APOL5: variants seen among roughly 807,000 people sequenced by gnomAD.
APOL5 encodes apolipoprotein L, 5.
Under a neutral mutation model 35.5 loss-of-function variants are expected in APOL5, and 29 were observed. The ratio of observed to expected loss-of-function variants is 0.82; its 90% CI spans 0.61 to 1.11. APOL5 has a LOEUF of 1.11. Ranked by LOEUF, APOL5 falls within the 50% of genes most tolerant of loss-of-function variation. The pLI is 0.00. For missense variants in APOL5, 514 were observed against 530.4 expected, an observed-to-expected ratio of 0.97 and a Z score of 0.30; for synonymous variants, 188 against 200.2, an observed-to-expected ratio of 0.94 and a Z score of 0.51.
intron 1 of APOL5, among the ~76,000 whole-genome samples, chr22:35,718,658 T>C (rs1926850712): frequency 6.7e-6 from 1 of 148,592 alleles, no homozygotes; most frequent in Non-Finnish European, 1.5e-5. Context: ...TCTATAAACA[T>C]GACAATACAT....
At chr22:35,726,078 T>C in intron 2 of APOL5, 133 bp from the exon 3 acceptor site, 2 of 981,606 alleles carry the variant, frequency 2.0e-6, no homozygotes, top group Non-Finnish European at 3.0e-6. Flanking sequence ...GCCGGTTAGG[T>C]CAGACCCCTT....
chr22:35,715,950 AC>A (rs1382484909), upstream of APOL5, among the ~76,000 whole-genome samples: 1 of 152,238 alleles, frequency 6.6e-6, no homozygotes, highest in East Asian at 1.9e-4. Context: ...AATAATTATA[AC>A]AAAAAATAAT....
At position 35,728,913 on chromosome 22, in the gene APOL5, G is replaced by C. The variant is rs748369776; in HGVS notation, c.*6+9G>C. The C allele has an allele frequency of 2.5e-6, 4 of 1,574,310 alleles. No individual in the cohort carries two copies. The highest frequency in any genetic ancestry group is 3.4e-6 in the Non-Finnish European group (4 of 1,160,668). ...ACCGACAATGAGAAGAGGTAAGTGG[G>C]ACGCAAGGAAGCCAGGAGCTGTGGG... is the stretch of plus-strand genomic sequence containing the variant. On this transcript the variant is annotated intron_variant, in intron 4 of 4. Transcript: ENST00000249044.
At chr22:35,723,050 C>T (rs1015349009) in intron 2 of APOL5, among the ~76,000 whole-genome samples, 17 of 152,176 alleles carry the variant, frequency 1.1e-4, no homozygotes, top group Non-Finnish European at 2.2e-4. Flanking sequence ...GAAGGCCCCT[C>T]CCGCTTCCTC....
chr22:35,719,967 C>A (rs985759742), intron 1 of APOL5, among the ~76,000 whole-genome samples: 2 of 152,182 alleles, frequency 1.3e-5, no homozygotes, highest in African/African-American at 2.4e-5. Context: ...GGCCACTCAG[C>A]GGTTCTCCTC....
chr22:35,716,098 T>C (rs972706427), upstream of APOL5, among the ~76,000 whole-genome samples: 3 of 152,154 alleles, frequency 2.0e-5, no homozygotes, highest in Non-Finnish European at 2.9e-5. Context: ...AAAACTTACA[T>C]AGAACCAACA....
At chr22:35,709,086 T>C in the APOL5 span, among the ~76,000 whole-genome samples, 2 of 152,188 alleles carry the variant, frequency 1.3e-5, no homozygotes, top group South Asian at 2.1e-4. Flanking sequence ...AAAAGATGAG[T>C]GTGGATGGTG....
the APOL5 span, among the ~76,000 whole-genome samples, chr22:35,708,781 C>G: frequency 6.6e-6 from 1 of 152,096 alleles, no homozygotes; most frequent in Non-Finnish European, 1.5e-5. Context: ...GTGGCCCGAA[C>G]CATTGGACTC....
the APOL5 span, among the ~76,000 whole-genome samples, chr22:35,708,454 G>A: frequency 6.6e-6 from 1 of 151,736 alleles, no homozygotes; most frequent in Non-Finnish European, 1.5e-5. Context: ...AAAGAAATAC[G>A]GAATTCCAGG....
intron 1 of APOL5, among the ~76,000 whole-genome samples, chr22:35,719,223 TTTTTTGTCAAATTTGACTATC>T (rs1446998222): frequency 7.0e-6 from 1 of 142,868 alleles, no homozygotes; most frequent in East Asian, 2.1e-4. Flanking sequence ...TCAAATTATA[TTTTTTGTCAAATTTGACTATC>T]TTTTTGTCAA....
chr22:35,716,374 G>C (rs1182469438), upstream of APOL5, among the ~76,000 whole-genome samples: 1 of 152,216 alleles, frequency 6.6e-6, no homozygotes, highest in East Asian at 1.9e-4. Context: ...CCGGGTTCAA[G>C]AGATTCTCCT....
At chr22:35,728,636 T>C (rs1927260361) in intron 3 of APOL5, 87 bp from the exon 4 acceptor site, 5 of 1,461,524 alleles carry the variant, frequency 3.4e-6, no homozygotes, top group South Asian at 1.3e-5. Flanking sequence ...AGAAATTTGC[T>C]CTCTGGGGAC....
At chr22:35,728,648 T>C (rs1418844053) in intron 3 of APOL5, 75 bp from the exon 4 acceptor site, 8 of 1,512,670 alleles carry the variant, frequency 5.3e-6, no homozygotes, top group Non-Finnish European at 7.2e-6. Flanking sequence ...TCTGGGGACA[T>C]ATTTGAGCTT....
At chr22:35,719,065 AT>A (rs1205160930) in intron 1 of APOL5, among the ~76,000 whole-genome samples, 4 of 148,908 alleles carry the variant, frequency 2.7e-5, no homozygotes, top group Non-Finnish European at 5.9e-5. Flanking sequence ...AAAAATAATA[AT>A]AATAATAAAT....
Position 35,726,892 on chromosome 22 carries a change from G to A in APOL5, c.824G>A (p.Gly275Glu). ...KRHIPFWTAR[G>E]VQRAFEGTTL... Reference sequence around the variant, plus strand: ...CACATCCCTTTCTGGACGGCTAGAGGGGTGCAGAGAGCCTTTGAGGGCACA... The same window carrying A: ...CACATCCCTTTCTGGACGGCTAGAGAGGTGCAGAGAGCCTTTGAGGGCACA... The change falls in exon 3 of 5, where the codon GGG becomes GAG. Residue 275 changes from glycine to glutamate, a missense_variant. Coordinates refer to ENST00000249044, the MANE Select transcript of APOL5 (RefSeq NM_030642.1). The A allele has an allele frequency of 6.2e-7, 1 of 1,614,202 alleles. No individual in the cohort carries two copies. The highest frequency in any genetic ancestry group is 8.5e-7 in the Non-Finnish European group (1 of 1,180,032).
intron 2 of APOL5, among the ~76,000 whole-genome samples, chr22:35,724,199 C>T (rs977553530): frequency 4.0e-5 from 6 of 151,468 alleles, no homozygotes; most frequent in Admixed American, 3.3e-4. Context: ...GGTGTGGTTG[C>T]ATGCGCCTGT....
chr22:35,726,801 G>C lies in APOL5; in HGVS notation c.733G>C (p.Ala245Pro), dbSNP rs1927178737. The change falls in exon 3 of 5, where the codon GCC becomes CCC. Residue 245 changes from alanine (A) to proline (P), a missense_variant. Physicochemically the swap from Ala to Pro is conservative, Grantham distance 27 (BLOSUM62 -1). Coordinates refer to ENST00000249044, the MANE Select transcript of APOL5 (RefSeq NM_030642.1). ...TATCCAGGGCATCAAGGATCTTCAT[G>C]CCTACCAGATGGCCAAATCCAACTC... ...KAIQGIKDLHAYQMAKSNSGF... is the reference protein window; with the variant it reads ...KAIQGIKDLHPYQMAKSNSGF... 3 of 1,614,218 alleles carry C rather than the reference G, an allele frequency of 1.9e-6. No individual in the cohort carries two copies. Among genetic ancestry groups the C allele is most frequent in the Non-Finnish European group, 2.5e-6 (3 of 1,180,036 alleles).
chr22:35,710,936 G>A, the APOL5 span, among the ~76,000 whole-genome samples: 1 of 152,214 alleles, frequency 6.6e-6, no homozygotes, highest in Non-Finnish European at 1.5e-5. Context: ...GGAGGCCAAC[G>A]TGGATGGATT....
chr22:35,722,186 T>C (rs1205506734), intron 2 of APOL5, among the ~76,000 whole-genome samples: 1 of 152,230 alleles, frequency 6.6e-6, no homozygotes, highest in Non-Finnish European at 1.5e-5. Flanking sequence ...GCATGCTGCA[T>C]GGACTGGAGT....
Sources: gnomAD v4.1 joint callset for allele counts (sites outside exome capture counted in the v4.1 genomes callset) on GRCh38, gnomAD v4.1.1 for gene constraint, MANE v1.5 for transcripts, NCBI Gene and HGNC (gene_info 2026-07-23, HGNC 2026-07-21) for gene names.